The following EPB41L3 variants were observed in gnomAD, a reference collection of about 807,000 sequenced individuals.
EPB41L3 encodes the protein erythrocyte membrane protein band 4.1 like 3.
In EPB41L3, 57 loss-of-function variants were observed where a neutral mutation model predicts 127.1. That is an observed-to-expected ratio of 0.45 (90% CI 0.36 to 0.56). The LOEUF (loss-of-function observed/expected upper bound fraction) is 0.56. EPB41L3 is among the 20% of genes least tolerant of loss of function. The pLI is 0.00. For synonymous variants in EPB41L3, 572 were observed against 549.5 expected, an observed-to-expected ratio of 1.04 and a Z score of -0.57; for missense variants, 1,273 against 1,372.2, an observed-to-expected ratio of 0.93 and a Z score of 1.14.
chr18:5,396,084 G>A (rs548283428), intron 19 of EPB41L3, 117 bp downstream of exon 19: 3 of 1,262,092 alleles, frequency 2.4e-6, no homozygotes, highest in Non-Finnish European at 3.4e-6. Flanking sequence ...GAAATGGTCT[G>A]GCTGCTGGAT....
intron 1 of EPB41L3, among the ~76,000 whole-genome samples, chr18:5,525,353 A>G (rs2093179152): frequency 1.3e-5 from 2 of 152,340 alleles, no homozygotes; most frequent in Non-Finnish European, 2.9e-5. Flanking sequence ...TCTACAAAGA[A>G]TAGTAATATT....
At chr18:5,492,714 A>T (rs1342049493) in intron 1 of EPB41L3, among the ~76,000 whole-genome samples, 1 of 152,134 alleles carries the variant, frequency 6.6e-6, no homozygotes, top group African/African-American at 2.4e-5. Flanking sequence ...CTTTCCTTAT[A>T]CTAAATTTAC....
chr18:5,449,685 A>C (rs1360772875), intron 3 of EPB41L3, among the ~76,000 whole-genome samples: 1 of 152,224 alleles, frequency 6.6e-6, no homozygotes, highest in Non-Finnish European at 1.5e-5. Context: ...AAAGAACCTT[A>C]AATGCATACT....
At chr18:5,501,999 G>A (rs8091980) in intron 1 of EPB41L3, among the ~76,000 whole-genome samples, 7 of 151,948 alleles carry the variant, frequency 4.6e-5, no homozygotes, top group Admixed American at 6.6e-5. Flanking sequence ...TTATGAAAGC[G>A]TTAAGAGACA....
chr18:5,501,878 T>C (rs1266794880), intron 1 of EPB41L3, among the ~76,000 whole-genome samples: 1 of 152,196 alleles, frequency 6.6e-6, no homozygotes, highest in African/African-American at 2.4e-5. Flanking sequence ...CTGAAAGCAG[T>C]GCCTCATCAA....
chr18:5,625,785 C>T (rs1444525056), intron 1 of EPB41L3, among the ~76,000 whole-genome samples: 1 of 152,162 alleles, frequency 6.6e-6, no homozygotes, highest in Non-Finnish European at 1.5e-5. Context: ...ATCCCCATTT[C>T]ACTGATGAGG....
At chr18:5,527,362 T>C (rs912047968) in intron 1 of EPB41L3, among the ~76,000 whole-genome samples, 3 of 152,054 alleles carry the variant, frequency 2.0e-5, no homozygotes, top group African/African-American at 4.8e-5. Flanking sequence ...TAAAGTTAAA[T>C]CAATCTTAAT....
chr18:5,618,908 C>G (rs1197788965), intron 1 of EPB41L3, among the ~76,000 whole-genome samples: 1 of 152,172 alleles, frequency 6.6e-6, no homozygotes, highest in East Asian at 1.9e-4. Context: ...GAACCTCTCT[C>G]TGCAACTTCA....
rs781123723 is a variant in EPB41L3, at chr18:5,398,010, C to T, written c.2472+11G>A. 6.2e-7 allele frequency: 1 copy of T among 1,614,060 alleles called. No individual in the cohort carries two copies. Among genetic ancestry groups the T allele is most frequent in the South Asian group, 1.1e-5 (1 of 91,082 alleles). The stretch of plus-strand genomic sequence containing the variant: ...CATTCAGAAACACCAAGGACGAAAA[C>T]AAATGGCCACCTGAACCCAGCTTTG... On this transcript the variant is annotated intron_variant, in intron 17 of 22. Transcript: ENST00000341928.
chr18:5,604,926 G>A (rs574620370), intron 3 of EPB41L3, among the ~76,000 whole-genome samples: 86 of 152,048 alleles, frequency 5.7e-4, no homozygotes, highest in Non-Finnish European at 1.1e-3. Flanking sequence ...CCCCTTACAG[G>A]AATAAAGGAT....
At chr18:5,581,822 C>T (rs1036499506) in intron 3 of EPB41L3, among the ~76,000 whole-genome samples, 1 of 152,018 alleles carries the variant, frequency 6.6e-6, no homozygotes, top group Admixed American at 6.6e-5. Flanking sequence ...CATAGCGAGA[C>T]TCTATCTCTA....
At position 5,397,404 on chromosome 18, in the gene EPB41L3, G is replaced by T; in HGVS notation, c.2495C>A (p.Ser832Tyr). The T allele has an allele frequency of 6.2e-7, 1 of 1,611,482 alleles. No individual in the cohort carries two copies. Among genetic ancestry groups the T allele is most frequent in the South Asian group, 1.1e-5 (1 of 90,788 alleles). Residue 832 changes from serine (S) to tyrosine (Y), a missense_variant, in exon 18 of 23, where the codon TCC (serine) becomes TAC (tyrosine). Around this residue, in one of 3 missense-constraint regions of EPB41L3, gnomAD observed 765 missense variants for 782.9 expected, o/e 0.98. Transcript: ENST00000341928. The surrounding 1 kb of genome is among the most constrained non-coding windows in gnomAD (Gnocchi z 4.1). ...WVQKMETKTE[S>Y]SGIETEPTVH... ...GGTGGGTTCCGTCTCTATTCCACTG[G>T]ACTCCGTCTTGGTTTCCATTTTCTG...
Position 5,452,612 on chromosome 18 carries a change from C to T in EPB41L3, c.382-7368G>A, listed in dbSNP as rs576646416. 3.9e-5 allele frequency among the ~76,000 whole-genome samples: 6 copies of T among 152,254 alleles called. No homozygotes were observed. The East Asian group carries it at 1.2e-3, about 29-fold the overall frequency. On this transcript the variant is annotated intron_variant, in intron 3 of 22. Transcript: ENST00000341928. ...AAATCTGAAGACATTCATTCCAACA[C>T]ATTTTCTTGAAAAATAAAAGTTCTC... is the stretch of plus-strand genomic sequence containing the variant.
chr18:5,421,476 G>A (rs928153593), intron 11 of EPB41L3, among the ~76,000 whole-genome samples: 1 of 152,144 alleles, frequency 6.6e-6, no homozygotes, highest in African/African-American at 2.4e-5. Context: ...AACAGTCCTG[G>A]TAATTATTTT....
In EPB41L3 at chr18:5,402,225, T is replaced by C. The variant is rs572152304; in HGVS notation, c.2350-4082A>G. Among the ~76,000 whole-genome samples, 308 of 150,114 alleles carry C rather than the reference T, an allele frequency of 2.1e-3. 1 individual carries two copies. The highest frequency in any genetic ancestry group is 7.2e-3 in the African/African-American group (296 of 41,200). ...TATCCCACTGCATTTTGGAGGACGG[T>C]ATTGGAAAAGATAAAATGTACCATG... On this transcript the variant is annotated intron_variant, in intron 16 of 22. Coordinates refer to ENST00000341928, the MANE Select transcript of EPB41L3 (RefSeq NM_012307.5).
At chr18:5,478,578 A>T (rs954742313) in intron 2 of EPB41L3, 140 bp from the exon 3 acceptor site, 11 of 697,278 alleles carry the variant, frequency 1.6e-5, no homozygotes, top group Admixed American at 8.8e-5. Context: ...ATATAAATAT[A>T]CAGATATTTA....
chr18:5,434,069 A>T lies in EPB41L3; in HGVS notation c.658T>A (p.Cys220Ser). 6 of 1,614,196 alleles carry T rather than the reference A, an allele frequency of 3.7e-6. No homozygotes were observed. The highest frequency in any genetic ancestry group is 5.1e-6 in the Non-Finnish European group (6 of 1,180,040). Residue 220 changes from cysteine (C) to serine (S), a missense_variant, in exon 7 of 23, where the codon TGC becomes AGC. Transcript: ENST00000341928. ...AGCAAGGCCAGGGTAACAAAGGAGC[A>T]GGGCAGCCTTCCGGACACGATGTCA... ...RDDIVSGRLP[C>S]SFVTLALLGS...
At chr18:5,566,752 C>CTATTT (rs1568583795) in intron 3 of EPB41L3, among the ~76,000 whole-genome samples, 8 of 137,788 alleles carry the variant, frequency 5.8e-5, no homozygotes, top group African/African-American at 1.9e-4. Context: ...CTATTCTATT[C>CTATTT]TATTCTATTC....
intron 3 of EPB41L3, among the ~76,000 whole-genome samples, chr18:5,470,106 A>G (rs1270046791): frequency 1.3e-5 from 2 of 152,202 alleles, no homozygotes; most frequent in African/African-American, 2.4e-5. Flanking sequence ...TCTGTAGTGC[A>G]GAGACCTCTG....
Sources: allele counts gnomAD v4.1 joint callset (sites outside exome capture counted in the v4.1 genomes callset), GRCh38; gene constraint gnomAD v4.1.1; regional missense constraint gnomAD v4.1.1; non-coding constraint Gnocchi (gnomAD v3.1); transcripts MANE v1.5; gene names NCBI Gene and HGNC (gene_info 2026-07-23, HGNC 2026-07-21).